CMYA5: variants seen among roughly 807,000 people sequenced by gnomAD.
CMYA5 encodes the protein cardiomyopathy-associated protein 5.
In CMYA5, 246 loss-of-function variants were observed where a neutral mutation model predicts 318.9. The observed-to-expected ratio is 0.77, with a 90% CI of 0.70 to 0.86. The LOEUF (loss-of-function observed/expected upper bound fraction) is 0.86, where lower values mean the gene tolerates loss of function less well. Among genes scored for constraint, CMYA5 ranks in the 40% least tolerant of loss-of-function variants. CMYA5 has a pLI of 0.00. For synonymous variants in CMYA5, 1,641 were observed against 1,729.5 expected, an observed-to-expected ratio of 0.95 and a Z score of 1.27; for missense variants, 4,589 against 4,678.2, an observed-to-expected ratio of 0.98 and a Z score of 0.56.
Position 79,799,714 on chromosome 5 carries a change from G to A in CMYA5, c.*98G>A, listed in dbSNP as rs535530439. On this transcript the variant is annotated 3_prime_UTR_variant, in exon 13 of 13. Transcript: ENST00000446378. ...CTATACATTATTCAAAAAGTCTCCC[G>A]CGCATTTGCACTAATGATGGCTGCA... The A allele has an allele frequency of 5.3e-4, 761 of 1,442,166 alleles. No homozygotes were observed. The highest frequency in any genetic ancestry group is 1.4e-3 in the South Asian group (96 of 68,948). 89.3% of individuals were successfully genotyped at this position (1,442,166 alleles called of 1,614,324 possible). A position where few individuals can be genotyped will look rare whatever the true frequency, so the allele number is the denominator to read the frequency against.
At chr5:79,703,815 G>A (rs148640674) in intron 1 of CMYA5, among the ~76,000 whole-genome samples, 111 of 152,282 alleles carry the variant, frequency 7.3e-4, no homozygotes, top group Non-Finnish European at 1.2e-3. Context: ...TTCTAGGGCC[G>A]GGAACAGTGG....
chr5:79,790,262 G>A (rs529291573), intron 10 of CMYA5, among the ~76,000 whole-genome samples: 23 of 149,620 alleles, frequency 1.5e-4, no homozygotes, highest in African/African-American at 4.4e-4. Context: ...AGGTTATATC[G>A]GTGCATCCCC....
intron 1 of CMYA5, among the ~76,000 whole-genome samples, chr5:79,722,405 A>G (rs1275344442): frequency 1.3e-5 from 2 of 152,164 alleles, no homozygotes; most frequent in African/African-American, 4.8e-5. Flanking sequence ...GGCTATGTGC[A>G]GTGGCTCATG....
rs985815926 is a variant in CMYA5, at chr5:79,759,388, T to C, written c.11260+486T>C. Among the ~76,000 whole-genome samples, 4 of 152,250 alleles carry C rather than the reference T, an allele frequency of 2.6e-5. No individual in the cohort carries two copies. In the South Asian group the frequency reaches 6.2e-4, roughly 24 times the overall value. ...CATGGGTGGCAGTTTCTCAGGTCTG[T>C]CTTTGCTAAAAGCCACCAACAAGCC... On this transcript the variant is annotated intron_variant, in intron 7 of 12. Transcript: ENST00000446378.
chr5:79,793,633 C>G, intron 12 of CMYA5, 23 bp downstream of exon 12: 1 of 1,577,202 alleles, frequency 6.3e-7, no homozygotes, highest in Non-Finnish European at 8.7e-7. Context: ...TTCCCCTCCC[C>G]TCTTCATCAA....
intron 12 of CMYA5, among the ~76,000 whole-genome samples, chr5:79,794,695 C>T (rs1176737170): frequency 6.6e-6 from 1 of 152,116 alleles, no homozygotes; most frequent in East Asian, 1.9e-4. Context: ...AGGCATTATT[C>T]AAATGTAATC....
At chr5:79,791,246 G>A (rs537726514) in intron 11 of CMYA5, among the ~76,000 whole-genome samples, 177 bp downstream of exon 11, 7 of 152,256 alleles carry the variant, frequency 4.6e-5, no homozygotes, top group South Asian at 4.1e-4. Context: ...CCTACCGAGC[G>A]ATAGTTCATC....
chr5:79,753,143 AAAG>A (rs1415989353), intron 6 of CMYA5, among the ~76,000 whole-genome samples: 6 of 152,132 alleles, frequency 3.9e-5, no homozygotes, highest in Non-Finnish European at 7.3e-5. Flanking sequence ...ATAGAAGAAA[AAAG>A]AAGTCAAATG....
chr5:79,733,908 C>A lies in CMYA5; in HGVS notation c.5143C>A (p.Pro1715Thr). The change falls in exon 2 of 13, where the codon CCT becomes ACT. Residue 1715 changes from proline (P) to threonine (T), a missense_variant. Around this residue, in one of 3 missense-constraint regions of CMYA5, gnomAD observed 2,132 missense variants for 2,131.3 expected, o/e 1.00. Transcript: ENST00000446378. ...REESQNEEIK[P>T]FSPKIISLES... ...GGAATCTCAGAATGAAGAAATTAAA[C>A]CTTTCTCTCCCAAGATCATCAGCCT... 5.0e-6 allele frequency: 8 copies of A among 1,613,060 alleles called. No homozygotes were observed. Among genetic ancestry groups the A allele is most frequent in the Non-Finnish European group, 5.9e-6 (7 of 1,179,722 alleles).
At chr5:79,741,416 A>G (rs750411127) in intron 2 of CMYA5, among the ~76,000 whole-genome samples, 2 of 152,176 alleles carry the variant, frequency 1.3e-5, no homozygotes, top group Non-Finnish European at 2.9e-5. Flanking sequence ...TGATCATTCA[A>G]TTAGGTCCTT....
intron 1 of CMYA5, among the ~76,000 whole-genome samples, chr5:79,702,669 C>G (rs1827196497): frequency 6.6e-6 from 1 of 152,088 alleles, no homozygotes; most frequent in Non-Finnish European, 1.5e-5. Context: ...TGAAAATGTT[C>G]TAAAATTATC....
chr5:79,729,855 C>T lies in CMYA5; in HGVS notation c.1090C>T (p.Pro364Ser), dbSNP rs200191652. ...GIQLRHSQSV[P>S]QQPEDEAKPH... ...ACAGCTCAGGCATTCACAGTCAGTGCCACAACAGCCAGAAGATGAAGCAAA... is the reference window on the plus strand; with the variant it reads ...ACAGCTCAGGCATTCACAGTCAGTGTCACAACAGCCAGAAGATGAAGCAAA... The change falls in exon 2 of 13, where the codon CCA becomes TCA. Residue 364 changes from proline to serine, a missense_variant. Transcript: ENST00000446378. 108 of 1,612,400 alleles carry T rather than the reference C, an allele frequency of 6.7e-5. No homozygotes were observed. The African/African-American group carries it at 1.4e-3, about 21-fold the overall frequency.
intron 9 of CMYA5, among the ~76,000 whole-genome samples, chr5:79,778,672 T>G (rs1419708080): frequency 1.3e-5 from 2 of 151,668 alleles, no homozygotes; most frequent in African/African-American, 2.4e-5. Context: ...AGAGATAAGT[T>G]TCAAATCTTT....
At chr5:79,758,987 C>T in intron 7 of CMYA5, 85 bp downstream of exon 7, 3 of 1,104,162 alleles carry the variant, frequency 2.7e-6, no homozygotes, top group Non-Finnish European at 3.7e-6. Flanking sequence ...TGTATTATGA[C>T]TCTTCCCACA....
chr5:79,707,010 C>T (rs75753949), intron 1 of CMYA5, among the ~76,000 whole-genome samples: 3,297 of 152,152 alleles, frequency 0.022, 119 homozygotes, highest in African/African-American at 0.074. Flanking sequence ...TTTTTTGCTT[C>T]GTTTTAATTT....
In CMYA5 at chr5:79,729,403, A is replaced by C. The variant is rs775581152; in HGVS notation, c.638A>C (p.Lys213Thr). 22 of 1,613,914 alleles carry C rather than the reference A, an allele frequency of 1.4e-5. No individual in the cohort carries two copies. Among genetic ancestry groups the C allele is most frequent in the Non-Finnish European group, 1.9e-5 (22 of 1,179,810 alleles). Reference sequence around the variant, plus strand: ...ACTGGGGCAATATACAAAGAACACAAGCCATTAGTGTTAAGACCAGTCTAC... The same window carrying C: ...ACTGGGGCAATATACAAAGAACACACGCCATTAGTGTTAAGACCAGTCTAC... ...PITGAIYKEH[K>T]PLVLRPVYIG... is the part of the protein sequence containing the mutation. Residue 213 changes from lysine to threonine, a missense_variant, in exon 2 of 13, where the codon AAG becomes ACG. Lys to Thr is a moderately conservative substitution (Grantham distance 78). This residue lies in a region of CMYA5 where 2,132 missense variants were observed against 2,131.3 expected (regional missense o/e 1.00). Transcript: ENST00000446378.
chr5:79,700,106 T>G (rs769267618), intron 1 of CMYA5, among the ~76,000 whole-genome samples: 2 of 152,232 alleles, frequency 1.3e-5, no homozygotes, highest in Non-Finnish European at 2.9e-5. Flanking sequence ...ACCACTCTTA[T>G]ATTTTTCTTT....
At chr5:79,708,730 C>T (rs1017551330) in intron 1 of CMYA5, among the ~76,000 whole-genome samples, 4 of 150,756 alleles carry the variant, frequency 2.7e-5, no homozygotes, top group East Asian at 2.0e-4. Flanking sequence ...AACAGGAGTT[C>T]GACATTAGCC....
At position 79,732,609 on chromosome 5, in the gene CMYA5, T is replaced by C; in HGVS notation, c.3844T>C (p.Tyr1282His). 6.2e-7 allele frequency: 1 copy of C among 1,613,222 alleles called. No individual in the cohort carries two copies. The highest frequency in any genetic ancestry group is 8.5e-7 in the Non-Finnish European group (1 of 1,179,608). ...SKNEPEVIKP[Y>H]SPLKETSLSG... is the part of the protein sequence containing the mutation. ...GAATGAGCCTGAAGTAATAAAACCA[T>C]ATTCACCTCTAAAGGAAACATCTTT... Residue 1282 changes from tyrosine (Y) to histidine (H), a missense_variant, in exon 2 of 13, where the codon TAT (tyrosine) becomes CAT (histidine). By Grantham distance (83) the Tyr-to-His change is moderately conservative. This residue lies in a region of CMYA5 where 2,132 missense variants were observed against 2,131.3 expected (regional missense o/e 1.00). Transcript: ENST00000446378.
Sources: gnomAD v4.1 joint callset for allele counts (sites outside exome capture counted in the v4.1 genomes callset) on GRCh38, gnomAD v4.1.1 for gene constraint, gnomAD v4.1.1 regional missense constraint, MANE v1.5 for transcripts, NCBI Gene and HGNC (gene_info 2026-07-23, HGNC 2026-07-21) for gene names.